Variants in NBDY observed in about 807,000 individuals in gnomAD.
The protein encoded by NBDY is P-body dissociating protein.
At chrX:56,754,902 A>AT (rs989550808) in intron 2 of NBDY, among the ~76,000 whole-genome samples, 2 of 112,096 alleles carry the variant, frequency 1.8e-5, no homozygotes, top group Non-Finnish European at 3.8e-5. Context: ...CCAAAAGTTG[A>AT]TTTTTTTGAA....
At chrX:56,748,348 A>G (rs745365926) in intron 2 of NBDY, among the ~76,000 whole-genome samples, 1 of 111,281 alleles carries the variant, frequency 9.0e-6, no homozygotes, top group Non-Finnish European at 1.9e-5. Context: ...GTTATAGAAT[A>G]CAAGAAAAAG....
chrX:56,752,411 AT>A (rs1176138523), intron 2 of NBDY, among the ~76,000 whole-genome samples: 10 of 109,559 alleles, frequency 9.1e-5, no homozygotes, highest in Non-Finnish European at 1.7e-4. Flanking sequence ...TTGGTGTGAG[AT>A]TTTTTTTATT....
chrX:56,729,296 T>A lies in NBDY; in HGVS notation c.-58T>A, dbSNP rs2069445851. 1 of 295,715 alleles carries A rather than the reference T, an allele frequency of 3.4e-6. No individual in the cohort carries two copies. Among genetic ancestry groups the A allele is most frequent in the East Asian group, 4.8e-5 (1 of 20,928 alleles). 24.4% of individuals were successfully genotyped at this position (295,715 alleles called of 1,213,427 possible). A position where few individuals can be genotyped will look rare whatever the true frequency, so the allele number is the denominator to read the frequency against. ...GGAGGGGACTCGCCGCCATCTCAGG[T>A]CTCTTGGCTTTGCCAGGGCCCACCG... On this transcript the variant is annotated 5_prime_UTR_variant, in exon 1 of 3. Transcript: ENST00000374922.
intron 2 of NBDY, among the ~76,000 whole-genome samples, chrX:56,809,864 T>G (rs140361010): frequency 7.1e-5 from 8 of 112,300 alleles, no homozygotes; most frequent in African/African-American, 1.9e-4. Context: ...GTCTTTACAA[T>G]TTAGTATGTT....
intron 2 of NBDY, among the ~76,000 whole-genome samples, chrX:56,733,455 A>G (rs1176148017): frequency 9.0e-6 from 1 of 111,368 alleles, no homozygotes; most frequent in Non-Finnish European, 1.9e-5. Flanking sequence ...CTCATAATTC[A>G]TTGCACAACA....
In NBDY at chrX:56,818,350, A is replaced by G. The variant is rs1323353731; in HGVS notation, c.*1197A>G. On this transcript the variant is annotated 3_prime_UTR_variant, in exon 3 of 3. Transcript: ENST00000374922. ...CAATCCTCTGAAATTAGTCCCTAGC[A>G]TCAGAATTAAAGAATCTGAAAAATC... 3.6e-5 allele frequency: 4 copies of G among 112,299 alleles called. No homozygotes were observed. The highest frequency in any genetic ancestry group is 7.3e-4 in the South Asian group (2 of 2,738). The allele number at this position is 112,299 out of a possible 1,213,427, so 9.3% of individuals were successfully genotyped here.
chrX:56,734,678 A>C (rs1406516758), intron 2 of NBDY, among the ~76,000 whole-genome samples: 2 of 111,772 alleles, frequency 1.8e-5, no homozygotes, highest in Non-Finnish European at 3.8e-5. Flanking sequence ...TACTTCACTC[A>C]AGGAGGTAAC....
intron 2 of NBDY, among the ~76,000 whole-genome samples, chrX:56,797,251 CCTT>C (rs2069797206): frequency 9.5e-6 from 1 of 105,387 alleles, no homozygotes; most frequent in African/African-American, 3.5e-5. Flanking sequence ...TCTCTTTTTG[CCTT>C]CTTTTTCTTT....
chrX:56,749,805 T>G (rs1417509684), intron 2 of NBDY, among the ~76,000 whole-genome samples: 1 of 110,065 alleles, frequency 9.1e-6, no homozygotes. Context: ...GCACATGCCG[T>G]CATGCCCAGC....
chrX:56,808,822 T>C (rs904150219), intron 2 of NBDY, among the ~76,000 whole-genome samples: 20 of 112,326 alleles, frequency 1.8e-4, no homozygotes, highest in Admixed American at 1.6e-3. Context: ...TGTTTGCTTC[T>C]GCTTCTCTAT....
intron 2 of NBDY, among the ~76,000 whole-genome samples, chrX:56,809,616 T>C (rs2069874627): frequency 8.9e-6 from 1 of 112,203 alleles, no homozygotes; most frequent in South Asian, 3.7e-4. Context: ...TGGTAAGTAT[T>C]CCTCCATCTC....
At chrX:56,809,731 T>A (rs912564255) in intron 2 of NBDY, among the ~76,000 whole-genome samples, 1 of 112,437 alleles carries the variant, frequency 8.9e-6, no homozygotes. Flanking sequence ...GTGCTTTTAA[T>A]TGGGGCATTT....
chrX:56,811,803 TG>T (rs2069888367), intron 2 of NBDY, among the ~76,000 whole-genome samples: 2 of 110,750 alleles, frequency 1.8e-5, no homozygotes, highest in African/African-American at 6.6e-5. Flanking sequence ...CACTGAGGCA[TG>T]AAAAAAAAAC....
chrX:56,733,195 C>A (rs1043704754), intron 2 of NBDY, among the ~76,000 whole-genome samples: 1 of 107,564 alleles, frequency 9.3e-6, no homozygotes, highest in Admixed American at 9.9e-5. Flanking sequence ...ATTTTTTTGA[C>A]CCATGGTTTG....
chrX:56,757,575 C>G (rs760032182), intron 2 of NBDY, among the ~76,000 whole-genome samples: 1 of 111,500 alleles, frequency 9.0e-6, no homozygotes, highest in African/African-American at 3.3e-5. Context: ...CAGCAGGGCT[C>G]CCCCCACTTG....
intron 2 of NBDY, among the ~76,000 whole-genome samples, chrX:56,764,354 A>G (rs1035639260): frequency 5.4e-5 from 6 of 111,728 alleles, no homozygotes; most frequent in African/African-American, 2.0e-4. Flanking sequence ...CCATCTCAAC[A>G]TGGCTGCCGG....
At chrX:56,763,696 G>C (rs920002798) in intron 2 of NBDY, among the ~76,000 whole-genome samples, 3 of 112,588 alleles carry the variant, frequency 2.7e-5, no homozygotes, top group Non-Finnish European at 5.6e-5. Flanking sequence ...AAGGGCAAAG[G>C]CTGGCTCCCT....
intron 2 of NBDY, among the ~76,000 whole-genome samples, chrX:56,736,931 G>A (rs964533428): frequency 9.0e-6 from 1 of 111,527 alleles, no homozygotes; most frequent in Non-Finnish European, 1.9e-5. Flanking sequence ...GCTTCCATAA[G>A]GCTATAACTC....
chrX:56,755,854 C>T (rs1448747841), intron 2 of NBDY, among the ~76,000 whole-genome samples: 12 of 105,596 alleles, frequency 1.1e-4, no homozygotes, highest in South Asian at 8.8e-4. Context: ...ATGTTTATTG[C>T]GGCACTATTC....
Sources: allele counts gnomAD v4.1 joint callset (sites outside exome capture counted in the v4.1 genomes callset), GRCh38; gene constraint gnomAD v4.1.1; transcripts MANE v1.5; gene names NCBI Gene and HGNC (gene_info 2026-07-23, HGNC 2026-07-21).